Variants in ARFIP1 observed in about 807,000 individuals in gnomAD.
The protein encoded by ARFIP1 is arfaptin-1.
In ARFIP1, 24 loss-of-function variants were observed where a neutral mutation model predicts 42.5. That is an observed-to-expected ratio of 0.57 (90% confidence interval 0.41 to 0.80). The LOEUF (loss-of-function observed/expected upper bound fraction) is 0.80, where lower values mean the gene tolerates loss of function less well. Among genes scored for constraint, ARFIP1 ranks in the 30% least tolerant of loss-of-function variants. The probability of loss-of-function intolerance (pLI) is 0.00; values close to 1 mark genes in which losing one functional copy is unlikely to be tolerated. For missense variants in ARFIP1, 354 were observed against 434.0 expected, an observed-to-expected ratio of 0.82 and a Z score of 1.64; for synonymous variants, 141 against 153.7, an observed-to-expected ratio of 0.92 and a Z score of 0.61.
chr4:152,803,972 G>GTTA (rs1728630385), intron 1 of ARFIP1, among the ~76,000 whole-genome samples: 1 of 105,516 alleles, frequency 9.5e-6, no homozygotes, highest in South Asian at 2.9e-4. Context: ...TATATAACAT[G>GTTA]TATTATATAT....
chr4:152,827,382 A>C (rs1302253613), intron 1 of ARFIP1, among the ~76,000 whole-genome samples: 1 of 152,174 alleles, frequency 6.6e-6, no homozygotes, highest in South Asian at 2.1e-4. Context: ...AGAGTGGTAC[A>C]TTCGTTAAAA....
intron 8 of ARFIP1, among the ~76,000 whole-genome samples, chr4:152,889,147 C>T (rs1177571348): frequency 3.9e-5 from 6 of 152,050 alleles, no homozygotes; most frequent in Non-Finnish European, 7.4e-5. Flanking sequence ...TTTTTCAGTT[C>T]TCTCAGGAAA....
intron 8 of ARFIP1, among the ~76,000 whole-genome samples, chr4:152,889,522 TATATATATATATAC>T (rs1193199359): frequency 0.013 from 1,164 of 89,944 alleles, 69 homozygotes; most frequent in African/African-American, 0.035. Context: ...TATATATATA[TATATATATATATAC>T]ACCTATTTTT....
chr4:152,867,753 A>G (rs948955073), intron 3 of ARFIP1, among the ~76,000 whole-genome samples: 1 of 152,148 alleles, frequency 6.6e-6, no homozygotes, highest in Non-Finnish European at 1.5e-5. Context: ...AATCCTTCCA[A>G]TTGGAATAAG....
At chr4:152,895,989 G>A (rs773015454) in intron 8 of ARFIP1, among the ~76,000 whole-genome samples, 8 of 152,156 alleles carry the variant, frequency 5.3e-5, no homozygotes, top group Non-Finnish European at 8.8e-5. Flanking sequence ...AATACAAGCT[G>A]TGGTAAGTGT....
At chr4:152,841,975 A>G (rs1732121814) in intron 2 of ARFIP1, among the ~76,000 whole-genome samples, 1 of 152,166 alleles carries the variant, frequency 6.6e-6, no homozygotes, top group African/African-American at 2.4e-5. Flanking sequence ...CCTCCCCAGC[A>G]GCACTTGGGT....
chr4:152,851,340 A>C (rs1410892779), intron 2 of ARFIP1, among the ~76,000 whole-genome samples: 3 of 152,228 alleles, frequency 2.0e-5, no homozygotes, highest in Non-Finnish European at 4.4e-5. Flanking sequence ...ATTACTATAT[A>C]AGCTGAGGTC....
intron 8 of ARFIP1, 21 bp from the exon 9 acceptor site, chr4:152,910,043 G>C: frequency 6.2e-7 from 1 of 1,610,524 alleles, no homozygotes; most frequent in Non-Finnish European, 8.5e-7. Context: ...GCTTGGTCTT[G>C]TAACTCTGCC....
chr4:152,846,864 C>T (rs991620463), intron 2 of ARFIP1, among the ~76,000 whole-genome samples: 4 of 151,824 alleles, frequency 2.6e-5, no homozygotes, highest in Admixed American at 6.6e-5. Context: ...TAGGTTATTA[C>T]GTTGTCGTAA....
chr4:152,861,351 A>G (rs1043803429), intron 2 of ARFIP1, among the ~76,000 whole-genome samples: 2 of 152,206 alleles, frequency 1.3e-5, no homozygotes, highest in East Asian at 1.9e-4. Flanking sequence ...TTTGCAGCAT[A>G]TACCTTTTCT....
At chr4:152,787,688 A>C (rs1730890196) in intron 1 of ARFIP1, among the ~76,000 whole-genome samples, 1 of 152,244 alleles carries the variant, frequency 6.6e-6, no homozygotes, top group Non-Finnish European at 1.5e-5. Context: ...TCATGCAAAA[A>C]ATTATTAAAA....
intron 1 of ARFIP1, among the ~76,000 whole-genome samples, chr4:152,824,320 A>C (rs1487104613): frequency 1.3e-5 from 2 of 152,154 alleles, no homozygotes; most frequent in Admixed American, 1.3e-4. Context: ...TCAAAAAAAA[A>C]AAAAAGTAAA....
At chr4:152,833,915 A>G (rs1410333828) in intron 2 of ARFIP1, among the ~76,000 whole-genome samples, 1 of 151,702 alleles carries the variant, frequency 6.6e-6, no homozygotes, top group Non-Finnish European at 1.5e-5. Flanking sequence ...ACCTGAGGCT[A>G]GGTAATTTAT....
intron 2 of ARFIP1, among the ~76,000 whole-genome samples, chr4:152,854,206 C>A (rs532878150): frequency 6.6e-6 from 1 of 152,078 alleles, no homozygotes; most frequent in East Asian, 1.9e-4. Context: ...AGCCACCGCA[C>A]TCAGCCAAGT....
At chr4:152,837,489 T>G (rs535458024) in intron 2 of ARFIP1, among the ~76,000 whole-genome samples, 1 of 152,352 alleles carries the variant, frequency 6.6e-6, no homozygotes, top group African/African-American at 2.4e-5. Context: ...TGAGGTGATA[T>G]TGCGTTGTGG....
intron 2 of ARFIP1, among the ~76,000 whole-genome samples, chr4:152,839,527 A>T (rs971174781): frequency 1.3e-5 from 2 of 152,164 alleles, no homozygotes; most frequent in Non-Finnish European, 2.9e-5. Context: ...TTTTTCCAGA[A>T]ATGTATCCAC....
In ARFIP1 at chr4:152,881,041, A is replaced by G. The variant is rs1351794854; in HGVS notation, c.490A>G (p.Ile164Val). 5.0e-6 allele frequency: 8 copies of G among 1,613,732 alleles called. No homozygotes were observed. Among genetic ancestry groups the G allele is most frequent in the East Asian group, 4.5e-5 (2 of 44,884 alleles). Residue 164 changes from isoleucine (I) to valine (V), a missense_variant, in exon 6 of 9, where the codon ATA (isoleucine) becomes GTA (valine). Physicochemically the swap from Ile to Val is conservative, Grantham distance 29. Transcript: ENST00000353617. The stretch of plus-strand genomic sequence containing the variant: ...CCTTGAACTTGAAGCTCAGATTGAT[A>G]TATTAAGGGATAACAAGAAAAAATA... ...VDLELEAQID[I>V]LRDNKKKYEN...
intron 7 of ARFIP1, among the ~76,000 whole-genome samples, chr4:152,884,704 C>T (rs1736126147): frequency 6.6e-6 from 1 of 151,972 alleles, no homozygotes; most frequent in Non-Finnish European, 1.5e-5. Context: ...GGAGAAAACA[C>T]TCTAGAGGTT....
intron 3 of ARFIP1, among the ~76,000 whole-genome samples, chr4:152,865,887 T>A (rs1734283009): frequency 6.6e-6 from 1 of 152,184 alleles, no homozygotes; most frequent in Non-Finnish European, 1.5e-5. Context: ...ATATATTTTT[T>A]AATTGATCAT....
Sources: gnomAD v4.1 joint callset for allele counts (sites outside exome capture counted in the v4.1 genomes callset) on GRCh38, gnomAD v4.1.1 for gene constraint, MANE v1.5 for transcripts, NCBI Gene and HGNC (gene_info 2026-07-23, HGNC 2026-07-21) for gene names.